The following MATN3 variants were observed in gnomAD, a reference collection of about 807,000 sequenced individuals.
MATN3 encodes the protein matrilin 3.
Under a neutral mutation model 45.3 loss-of-function variants are expected in MATN3, and 48 were observed. The observed-to-expected ratio is 1.06, with a 90% CI of 0.84 to 1.35. MATN3 has a LOEUF of 1.35. Ranked by LOEUF, MATN3 falls within the 40% of genes most tolerant of loss-of-function variation. The pLI, the probability that MATN3 is intolerant of heterozygous loss-of-function variation, is 0.00. For missense variants in MATN3, 599 were observed against 628.0 expected, an observed-to-expected ratio of 0.95 and a Z score of 0.49; for synonymous variants, 217 against 245.9, an observed-to-expected ratio of 0.88 and a Z score of 1.10.
At chr2:20,010,067 T>A (rs376885781) in intron 1 of MATN3, among the ~76,000 whole-genome samples, 1,237 of 68,490 alleles carry the variant, frequency 0.018, 39 homozygotes, top group Non-Finnish European at 0.024. Context: ...CTTCAAATAC[T>A]AAAAAAAAAA....
At chr2:20,000,597 T>C (rs1672966024) in intron 4 of MATN3, 31 bp from the exon 5 acceptor site, 1 of 1,596,086 alleles carries the variant, frequency 6.3e-7, no homozygotes, top group Non-Finnish European at 8.5e-7. Flanking sequence ...AGAAAAGAAA[T>C]AGAAGGTGGA....
rs1247085339 is a variant in MATN3, at chr2:20,010,064, T to TCCAAAAAAAAA, written c.223+2344_223+2345insTTTTTTTTTGG. 2.8e-3 allele frequency among the ~76,000 whole-genome samples: 30 copies of TCCAAAAAAAAA among 10,776 alleles called. 1 individual carries two copies. Among genetic ancestry groups the TCCAAAAAAAAA allele is most frequent in the Non-Finnish European group, 3.5e-3 (27 of 7,710 alleles). 7.1% of individuals were successfully genotyped at this position (10,776 alleles called of 152,430 possible). The stretch of plus-strand genomic sequence containing the variant: ...TTGTCTCAGAATAAATCTCTTCAAA[T>TCCAAAAAAAAA]ACTAAAAAAAAAAAAAAAAAAAAAA... On this transcript the variant is annotated intron_variant, in intron 1 of 7. Coordinates refer to ENST00000407540, the MANE Select transcript of MATN3 (RefSeq NM_002381.5).
rs1673230195 is a variant in MATN3, at chr2:20,012,164, T to C, written c.223+245A>G. On this transcript the variant is annotated intron_variant, in intron 1 of 7. Coordinates refer to ENST00000407540, the MANE Select transcript of MATN3 (RefSeq NM_002381.5). This position sits in a 1 kb window ranked among gnomAD's most constrained non-coding sequence, Gnocchi z 4.3. ...CCTGCGCTCCCCAGCTGCCCTGTGC[T>C]CCTGGCCGAATCACAGGGGAGTGAG... is the stretch of plus-strand genomic sequence containing the variant. Among the ~76,000 whole-genome samples, 1 of 152,180 alleles carries C rather than the reference T, an allele frequency of 6.6e-6. No homozygotes were observed. The highest frequency in any genetic ancestry group is 2.1e-4 in the South Asian group (1 of 4,832).
chr2:19,992,912 T>C lies in MATN3; in HGVS notation c.*199A>G, dbSNP rs1572378617. The C allele has an allele frequency of 1.8e-5, 10 of 566,954 alleles. No individual in the cohort carries two copies. In the South Asian group the frequency reaches 2.3e-4, roughly 13 times the overall value. The allele number at this position is 566,954 out of a possible 1,614,324, so 35.1% of individuals were successfully genotyped here. A position where few individuals can be genotyped will look rare whatever the true frequency, so the allele number is the denominator to read the frequency against. ...CACTAAAGTTTGCTCTTAATAAGTA[T>C]CTGCATATGTATTTCCTTGGAAGAA... On this transcript the variant is annotated 3_prime_UTR_variant, in exon 8 of 8. Transcript: ENST00000407540.
In MATN3 at chr2:20,000,449, G is replaced by T; in HGVS notation, c.1160C>A (p.Thr387Lys). ...EGYTLNADKKTCSVRDKCALG... is the reference protein window; with the variant it reads ...EGYTLNADKKKCSVRDKCALG... Reference sequence around the variant, plus strand: ...TTTTGAGTGGATCTTACCTGAACATGTTTTTTTATCTGCATTCAGAGTGTA... The same window carrying T: ...TTTTGAGTGGATCTTACCTGAACATTTTTTTTTATCTGCATTCAGAGTGTA... The change falls in exon 5 of 8, where the codon ACA (threonine) becomes AAA (lysine). Residue 387 changes from threonine to lysine, a missense_variant. By Grantham distance (78) the Thr-to-Lys change is moderately conservative. Coordinates refer to ENST00000407540, the MANE Select transcript of MATN3 (RefSeq NM_002381.5). The T allele has an allele frequency of 6.2e-7, 1 of 1,605,450 alleles. No individual in the cohort carries two copies. Among genetic ancestry groups the T allele is most frequent in the Non-Finnish European group, 8.5e-7 (1 of 1,177,082 alleles).
At chr2:19,998,615 G>A (rs899204971) in intron 5 of MATN3, among the ~76,000 whole-genome samples, 1 of 152,064 alleles carries the variant, frequency 6.6e-6, no homozygotes, top group African/African-American at 2.4e-5. Context: ...AAATTAGCCA[G>A]GTGTGGTGGC....
intron 1 of MATN3, among the ~76,000 whole-genome samples, chr2:20,010,066 C>CAAAAAAAAAAAAA (rs1558376342): frequency 5.4e-4 from 3 of 5,560 alleles, no homozygotes; most frequent in Non-Finnish European, 7.4e-4. Flanking sequence ...TCTTCAAATA[C>CAAAAAAAAAAAAA]TAAAAAAAAA....
At chr2:20,004,388 G>C (rs914318087) in intron 2 of MATN3, among the ~76,000 whole-genome samples, 1 of 152,190 alleles carries the variant, frequency 6.6e-6, no homozygotes, top group Non-Finnish European at 1.5e-5. Context: ...TGATGGAGAG[G>C]CTCTCACCCA....
chr2:20,004,617 T>C (rs1007015038), intron 2 of MATN3, among the ~76,000 whole-genome samples: 3 of 152,336 alleles, frequency 2.0e-5, no homozygotes, highest in Non-Finnish European at 4.4e-5. Context: ...TGACAAACCA[T>C]TGATGGCTGC....
chr2:20,008,967 G>A (rs757494383), intron 1 of MATN3, among the ~76,000 whole-genome samples: 58 of 152,094 alleles, frequency 3.8e-4, no homozygotes, highest in Non-Finnish European at 4.9e-4. Flanking sequence ...GCTCACGCCT[G>A]TAATCCCAAC....
At chr2:20,000,367 T>C in intron 5 of MATN3, 74 bp downstream of exon 5, 1 of 1,376,902 alleles carries the variant, frequency 7.3e-7, no homozygotes. Context: ...TTTAAAAACC[T>C]CTTTGCTGGT....
chr2:19,997,353 A>G, intron 5 of MATN3, 94 bp from the exon 6 acceptor site: 3 of 1,351,912 alleles, frequency 2.2e-6, no homozygotes, highest in Non-Finnish European at 2.0e-6. Flanking sequence ...TTTGGTCCCC[A>G]CAAGTGCTGA....
chr2:19,994,246 G>A (rs1407474095), intron 7 of MATN3, 53 bp downstream of exon 7: 17 of 1,156,206 alleles, frequency 1.5e-5, no homozygotes, highest in Middle Eastern at 3.8e-4. Context: ...TGGCTCGATC[G>A]TAGTACCTTG....
chr2:19,997,148 T>C lies in MATN3; in HGVS notation c.1280A>G (p.Lys427Arg). ...CYPGYTLNED[K>R]KTCSATEEAR... ...CTGATCCTCACCTGAACATGTTTTCTTGTCCTCATTTAAGGTGTAGCCAGG... is the reference window on the plus strand; with the variant it reads ...CTGATCCTCACCTGAACATGTTTTCCTGTCCTCATTTAAGGTGTAGCCAGG... The change falls in exon 6 of 8, where the codon AAG becomes AGG. Residue 427 changes from lysine (K) to arginine (R), a missense_variant. Physicochemically the swap from Lys to Arg is conservative, Grantham distance 26 (BLOSUM62 2). Coordinates refer to ENST00000407540, the MANE Select transcript of MATN3 (RefSeq NM_002381.5). 2 of 1,613,924 alleles carry C rather than the reference T, an allele frequency of 1.2e-6. No homozygotes were observed. Among genetic ancestry groups the C allele is most frequent in the Non-Finnish European group, 1.7e-6 (2 of 1,179,834 alleles).
At chr2:20,009,867 C>T (rs1039228890) in intron 1 of MATN3, among the ~76,000 whole-genome samples, 2 of 151,774 alleles carry the variant, frequency 1.3e-5, no homozygotes, top group African/African-American at 2.4e-5. Flanking sequence ...TCACCACCAC[C>T]GGCTTTGAGT....
In MATN3 at chr2:20,001,421, A is replaced by G. The variant is rs574792751; in HGVS notation, c.1042+534T>C. On this transcript the variant is annotated intron_variant, in intron 4 of 7. Transcript: ENST00000407540. ...TTCACGTTTCTGAGAAGTACTGGAA[A>G]ACTATTTTGTGAACTGAGAGTGTCT... Among the ~76,000 whole-genome samples, 4 of 152,274 alleles carry G rather than the reference A, an allele frequency of 2.6e-5. No individual in the cohort carries two copies. In the South Asian group the frequency reaches 8.3e-4, roughly 32 times the overall value.
At chr2:19,998,194 G>T (rs145890951) in intron 5 of MATN3, among the ~76,000 whole-genome samples, 1 of 152,070 alleles carries the variant, frequency 6.6e-6, no homozygotes, top group Non-Finnish European at 1.5e-5. Flanking sequence ...ACCTTAATAT[G>T]GCTATTCCCT....
Position 20,000,456 on chromosome 2 carries a change from T to C in MATN3, c.1153A>G (p.Lys385Glu). ...CYEGYTLNADKKTCSVRDKCA... is the reference protein window; with the variant it reads ...CYEGYTLNADEKTCSVRDKCA... ...TGGATCTTACCTGAACATGTTTTTT[T>C]ATCTGCATTCAGAGTGTAGCCCTCA... The change falls in exon 5 of 8, where the codon AAA becomes GAA. Residue 385 changes from lysine (K) to glutamate (E), a missense_variant. Coordinates refer to ENST00000407540, the MANE Select transcript of MATN3 (RefSeq NM_002381.5). 1 of 1,607,078 alleles carries C rather than the reference T, an allele frequency of 6.2e-7. No homozygotes were observed. The highest frequency in any genetic ancestry group is 1.1e-5 in the South Asian group (1 of 89,006).
Position 19,992,858 on chromosome 2 carries a change from C to A in MATN3, c.*253G>T. 1 of 439,458 alleles carries A rather than the reference C, an allele frequency of 2.3e-6. No individual in the cohort carries two copies. Among genetic ancestry groups the A allele is most frequent in the Non-Finnish European group, 4.0e-6 (1 of 250,910 alleles). 27.2% of individuals were successfully genotyped at this position (439,458 alleles called of 1,614,324 possible). A position where few individuals can be genotyped will look rare whatever the true frequency, so the allele number is the denominator to read the frequency against. ...ACTAAACTTTTCATTCTATTTCCTACCAATCATTTCACAGTCATAACTTAG... is the reference window on the plus strand; with the variant it reads ...ACTAAACTTTTCATTCTATTTCCTAACAATCATTTCACAGTCATAACTTAG... On this transcript the variant is annotated 3_prime_UTR_variant, in exon 8 of 8. Transcript: ENST00000407540.
Sources: allele counts gnomAD v4.1 joint callset (sites outside exome capture counted in the v4.1 genomes callset), GRCh38; gene constraint gnomAD v4.1.1; non-coding constraint Gnocchi (gnomAD v3.1); transcripts MANE v1.5; gene names NCBI Gene and HGNC (gene_info 2026-07-23, HGNC 2026-07-21).